KALRN: variants seen among roughly 807,000 people sequenced by gnomAD.
KALRN encodes the protein kalirin RhoGEF kinase, also known as kalirin.
A neutral mutation model predicts 353.7 loss-of-function variants in KALRN; 70 were observed. The ratio of observed to expected loss-of-function variants is 0.20; its 90% CI spans 0.16 to 0.24. KALRN has a LOEUF of 0.24. Among genes scored for constraint, KALRN ranks in the 10% least tolerant of loss-of-function variants. The pLI, the probability that KALRN is intolerant of heterozygous loss-of-function variation, is 1.00. For synonymous variants in KALRN, 1,391 were observed against 1,434.8 expected (o/e 0.97, Z 0.69); for missense variants, 2,791 against 3,756.7 (o/e 0.74, Z 6.72).
At chr3:124,263,802 G>T (rs1408473288) in intron 3 of KALRN, among the ~76,000 whole-genome samples, 2 of 152,102 alleles carry the variant, frequency 1.3e-5, no homozygotes, top group Non-Finnish European at 2.9e-5. Flanking sequence ...TGAGCACAGG[G>T]CAGAACAACA....
intron 2 of KALRN, among the ~76,000 whole-genome samples, chr3:124,230,867 A>C (rs1011201572): frequency 4.2e-4 from 51 of 121,124 alleles, no homozygotes; most frequent in African/African-American, 1.2e-3. Flanking sequence ...CAAAAAAAAA[A>C]AAAACAAAAA....
intron 34 of KALRN, among the ~76,000 whole-genome samples, chr3:124,571,192 A>G (rs771062808): frequency 6.6e-6 from 1 of 152,244 alleles, no homozygotes. Flanking sequence ...CTTCTTTCCT[A>G]AGCTATATAA....
chr3:124,496,701 T>A (rs2063887703), intron 33 of KALRN, among the ~76,000 whole-genome samples: 1 of 152,148 alleles, frequency 6.6e-6, no homozygotes, highest in African/African-American at 2.4e-5. Context: ...TTTCTTCTCT[T>A]TCTGAGATGC....
chr3:124,112,473 G>T (rs1188395907), intron 1 of KALRN, among the ~76,000 whole-genome samples: 1 of 152,038 alleles, frequency 6.6e-6, no homozygotes, highest in Non-Finnish European at 1.5e-5. Flanking sequence ...CCAAGTTCTG[G>T]CTTGCTCCCA....
intron 57 of KALRN, among the ~76,000 whole-genome samples, chr3:124,703,377 T>C (rs1028480838): frequency 6.6e-6 from 1 of 152,338 alleles, no homozygotes; most frequent in African/African-American, 2.4e-5. Flanking sequence ...TTCTAGATAC[T>C]AAGCAGATAC....
chr3:124,700,756 C>T (rs942167122), intron 56 of KALRN, among the ~76,000 whole-genome samples: 11 of 151,980 alleles, frequency 7.2e-5, no homozygotes, highest in African/African-American at 1.9e-4. Context: ...TGACTGTACT[C>T]GAAAGACCAT....
In KALRN at chr3:124,158,177, G is replaced by C. The variant is rs574913898; in HGVS notation, c.74-69813G>C. On this transcript the variant is annotated intron_variant, in intron 1 of 59. Transcript: ENST00000682506. ...CACCTCCACCCCACCCTCTGCTCCT[G>C]AAGCAGGGATGTTTGTGGCTGAATG... Among the ~76,000 whole-genome samples the C allele has an allele frequency of 2.0e-4, 30 of 152,304 alleles. No homozygotes were observed. The South Asian group carries it at 6.2e-3, about 32-fold the overall frequency.
At chr3:124,567,503 G>T (rs1409901461) in intron 34 of KALRN, among the ~76,000 whole-genome samples, 1 of 152,178 alleles carries the variant, frequency 6.6e-6, no homozygotes, top group Non-Finnish European at 1.5e-5. Flanking sequence ...CAGAATTGGG[G>T]TGGGGCTGCC....
intron 14 of KALRN, among the ~76,000 whole-genome samples, chr3:124,422,066 G>A (rs542103821): frequency 2.6e-5 from 4 of 152,284 alleles, no homozygotes; most frequent in Admixed American, 1.3e-4. Flanking sequence ...GAAAAACATT[G>A]AGCAAACTCT....
chr3:124,210,228 A>G (rs1213708246), intron 1 of KALRN, among the ~76,000 whole-genome samples: 5 of 152,360 alleles, frequency 3.3e-5, no homozygotes, highest in African/African-American at 4.8e-5. Context: ...AGTGCCTAGA[A>G]TATAACAAAT....
chr3:124,554,934 T>C (rs1463491963), intron 33 of KALRN, among the ~76,000 whole-genome samples: 3 of 152,210 alleles, frequency 2.0e-5, no homozygotes, highest in African/African-American at 7.2e-5. Context: ...CATGTTTATA[T>C]GTGGCTGCTA....
In KALRN at chr3:124,248,256, C is replaced by G. The variant is rs563213063; in HGVS notation, c.263+13313C>G. On this transcript the variant is annotated intron_variant, in intron 3 of 59. Coordinates refer to ENST00000682506, the MANE Select transcript of KALRN (RefSeq NM_001388419.1). ...CCAAGGAAAAAGGAGAGGGCTTCAC[C>G]CCCCCCATACTCCTTAGGGCCAATG... Among the ~76,000 whole-genome samples, 82 of 139,294 alleles carry G rather than the reference C, an allele frequency of 5.9e-4. No homozygotes were observed. The East Asian group carries it at 8.0e-3, about 14-fold the overall frequency. 91.4% of individuals were successfully genotyped at this position (139,294 alleles called of 152,430 possible).
intron 18 of KALRN, among the ~76,000 whole-genome samples, chr3:124,441,103 G>A (rs1415821467): frequency 6.6e-6 from 1 of 152,142 alleles, no homozygotes; most frequent in African/African-American, 2.4e-5. Flanking sequence ...TAGATGAGGG[G>A]GACTTCATGG....
intron 15 of KALRN, among the ~76,000 whole-genome samples, chr3:124,425,558 C>A (rs1171424155): frequency 3.3e-5 from 5 of 152,202 alleles, no homozygotes; most frequent in Non-Finnish European, 5.9e-5. Flanking sequence ...CATCAAAGTC[C>A]TCTGCTGCAC....
intron 32 of KALRN, among the ~76,000 whole-genome samples, chr3:124,495,982 T>TACAC (rs2063737462): frequency 4.4e-5 from 2 of 45,326 alleles, no homozygotes; most frequent in East Asian, 9.2e-4. Flanking sequence ...TATATATATA[T>TACAC]ATATATATAT....
At chr3:124,257,749 C>A (rs2072238489) in intron 3 of KALRN, among the ~76,000 whole-genome samples, 1 of 152,174 alleles carries the variant, frequency 6.6e-6, no homozygotes, top group African/African-American at 2.4e-5. Context: ...TGCCTTCTCC[C>A]TCTCAAGTAG....
intron 1 of KALRN, among the ~76,000 whole-genome samples, chr3:124,203,487 C>T (rs189198061): frequency 6.6e-6 from 1 of 152,330 alleles, no homozygotes; most frequent in Non-Finnish European, 1.5e-5. Flanking sequence ...TTAGCATCTT[C>T]TATTGTCCTC....
intron 43 of KALRN, among the ~76,000 whole-genome samples, chr3:124,659,978 C>A (rs2084621509): frequency 6.6e-6 from 1 of 151,374 alleles, no homozygotes. Context: ...GTCACCCAGG[C>A]TGCAGTGCAG....
At chr3:124,175,610 T>C (rs1026886830) in intron 1 of KALRN, among the ~76,000 whole-genome samples, 1 of 151,488 alleles carries the variant, frequency 6.6e-6, no homozygotes, top group African/African-American at 2.4e-5. Flanking sequence ...CTGCCGAGTG[T>C]CCAGGCCTGA....
Sources: allele counts gnomAD v4.1 joint callset (sites outside exome capture counted in the v4.1 genomes callset), GRCh38; gene constraint gnomAD v4.1.1; transcripts MANE v1.5; gene names NCBI Gene and HGNC (gene_info 2026-07-23, HGNC 2026-07-21).